The following NEO1 variants were observed in gnomAD, a reference collection of about 807,000 sequenced individuals.
NEO1 encodes the protein neogenin.
In NEO1, 63 loss-of-function variants were observed where a neutral mutation model predicts 159.7. The observed-to-expected ratio is 0.39, with a 90% CI of 0.32 to 0.49. The LOEUF is 0.49. Ranked by LOEUF, NEO1 falls within the 20% of genes least tolerant of loss-of-function variation. NEO1 has a pLI of 0.85. For synonymous variants in NEO1, 633 were observed against 662.0 expected, an observed-to-expected ratio of 0.96 and a Z score of 0.67; for missense variants, 1,615 against 1,831.0, an observed-to-expected ratio of 0.88 and a Z score of 2.15.
At chr15:73,241,597 T>G (rs542416062) in intron 8 of NEO1, among the ~76,000 whole-genome samples, 1 of 152,350 alleles carries the variant, frequency 6.6e-6, no homozygotes, top group African/African-American at 2.4e-5. Flanking sequence ...GAACTAGAAT[T>G]GCATCTCCTA....
At chr15:73,201,665 ACTCTC>A (rs1366727095) in intron 7 of NEO1, among the ~76,000 whole-genome samples, 1 of 151,386 alleles carries the variant, frequency 6.6e-6, no homozygotes, top group Non-Finnish European at 1.5e-5. Context: ...GGGTATTTAA[ACTCTC>A]CAGTTATTAC....
chr15:73,085,942 T>C (rs1165154676), intron 1 of NEO1, among the ~76,000 whole-genome samples: 1 of 152,220 alleles, frequency 6.6e-6, no homozygotes, highest in African/African-American at 2.4e-5. Context: ...GTTTGAAATT[T>C]AGTGAGGTTC....
At chr15:73,142,456 T>C (rs1008339980) in intron 5 of NEO1, among the ~76,000 whole-genome samples, 2 of 152,160 alleles carry the variant, frequency 1.3e-5, no homozygotes, top group Non-Finnish European at 1.5e-5. Context: ...TGGAAAGTTA[T>C]GAGATTACAA....
At chr15:73,190,927 A>G (rs2036204848) in intron 7 of NEO1, among the ~76,000 whole-genome samples, 1 of 152,046 alleles carries the variant, frequency 6.6e-6, no homozygotes, top group Admixed American at 6.6e-5. Flanking sequence ...AAAATAAAGG[A>G]ATTAAATTTA....
intron 8 of NEO1, among the ~76,000 whole-genome samples, chr15:73,242,355 G>C (rs1229581616): frequency 6.6e-6 from 1 of 152,102 alleles, no homozygotes; most frequent in Non-Finnish European, 1.5e-5. Context: ...AAGTAAGCTA[G>C]AGAAAAAATG....
chr15:73,298,176 C>T (rs915355589), intron 26 of NEO1, 172 bp from the exon 27 acceptor site: 9 of 751,494 alleles, frequency 1.2e-5, no homozygotes, highest in East Asian at 1.1e-4. Flanking sequence ...CAAAATTGTT[C>T]GAGACTCCAT....
intron 1 of NEO1, among the ~76,000 whole-genome samples, chr15:73,091,827 A>C (rs745310653): frequency 6.7e-6 from 1 of 148,330 alleles, no homozygotes. Flanking sequence ...AGGTCTCGCT[A>C]TGTTGCCCAG....
At chr15:73,184,335 T>C (rs1054375470) in intron 7 of NEO1, among the ~76,000 whole-genome samples, 10 of 152,094 alleles carry the variant, frequency 6.6e-5, no homozygotes, top group Admixed American at 5.9e-4. Flanking sequence ...TTTGTATTTT[T>C]AGTAGAGACA....
chr15:73,207,276 A>G (rs2037294229), intron 7 of NEO1, among the ~76,000 whole-genome samples: 7 of 152,252 alleles, frequency 4.6e-5, no homozygotes, highest in Admixed American at 3.9e-4. Context: ...TACTATTTGT[A>G]TATATGTTTA....
intron 1 of NEO1, among the ~76,000 whole-genome samples, chr15:73,076,862 G>T (rs1294102800): frequency 6.6e-6 from 1 of 151,948 alleles, no homozygotes; most frequent in African/African-American, 2.4e-5. Context: ...TCATGTTTTG[G>T]TTTATAAGAC....
At chr15:73,059,948 T>C (rs2151237791) in intron 1 of NEO1, among the ~76,000 whole-genome samples, 1 of 152,262 alleles carries the variant, frequency 6.6e-6, no homozygotes, top group Non-Finnish European at 1.5e-5. Context: ...ATAGTACAAC[T>C]TACTAAGAAG....
At chr15:73,135,844 T>C in intron 4 of NEO1, 47 bp from the exon 5 acceptor site, 6 of 1,443,306 alleles carry the variant, frequency 4.2e-6, no homozygotes, top group South Asian at 1.5e-5. Context: ...GGTATTATTT[T>C]CCTAGTACTG....
intron 7 of NEO1, among the ~76,000 whole-genome samples, chr15:73,179,076 T>C (rs976937669): frequency 2.6e-5 from 4 of 152,176 alleles, no homozygotes; most frequent in African/African-American, 7.2e-5. Context: ...ATTTAAAAAT[T>C]CAGATAACAA....
chr15:73,129,274 T>A (rs183306804), intron 4 of NEO1, among the ~76,000 whole-genome samples: 2 of 152,316 alleles, frequency 1.3e-5, no homozygotes, highest in African/African-American at 2.4e-5. Flanking sequence ...TTGTTTCTGC[T>A]AGAGCCTTAT....
chr15:73,244,954 CAAAAA>C (rs57566986), intron 9 of NEO1, among the ~76,000 whole-genome samples: 661 of 16,352 alleles, frequency 0.04, 6 homozygotes, highest in East Asian at 0.34. Context: ...GACTCTGTCT[CAAAAA>C]AAAAAAAAAA....
At chr15:73,145,545 T>C (rs2032819927) in intron 5 of NEO1, among the ~76,000 whole-genome samples, 1 of 152,062 alleles carries the variant, frequency 6.6e-6, no homozygotes, top group Non-Finnish European at 1.5e-5. Flanking sequence ...CAAAAATAGG[T>C]GATTGGTTAA....
chr15:73,192,338 T>C (rs1222586832), intron 7 of NEO1, among the ~76,000 whole-genome samples: 2 of 152,076 alleles, frequency 1.3e-5, no homozygotes, highest in Admixed American at 6.5e-5. Context: ...CAGTGTCTTA[T>C]GGACATGGTA....
At chr15:73,272,649 G>A in intron 19 of NEO1, 87 bp downstream of exon 19, 1 of 953,560 alleles carries the variant, frequency 1.0e-6, no homozygotes, top group Non-Finnish European at 1.6e-6. Context: ...GCTGGGAGAA[G>A]TGGGAGTCTG....
chr15:73,167,925 C>T lies in NEO1; in HGVS notation c.1016-8478C>T, dbSNP rs78223779. Among the ~76,000 whole-genome samples the T allele has an allele frequency of 5.6e-3, 853 of 152,168 alleles. 12 individuals carry two copies. The highest frequency in any genetic ancestry group is 0.019 in the African/African-American group (809 of 41,526). On this transcript the variant is annotated intron_variant, in intron 5 of 28. Coordinates refer to ENST00000261908, the MANE Select transcript of NEO1 (RefSeq NM_002499.4). ...AAATTTCATGTTCATGAAAATTTTA[C>T]ATCATCATAAACATTTAAAAGCAAA...
Sources: gnomAD v4.1 joint callset for allele counts (sites outside exome capture counted in the v4.1 genomes callset) on GRCh38, gnomAD v4.1.1 for gene constraint, MANE v1.5 for transcripts, NCBI Gene and HGNC (gene_info 2026-07-23, HGNC 2026-07-21) for gene names.